Variants in CFAP61 observed in about 807,000 individuals in gnomAD.
The protein encoded by CFAP61 is cilia- and flagella-associated protein 61.
A neutral mutation model predicts 135.6 loss-of-function variants in CFAP61; 107 were observed. That is an observed-to-expected ratio of 0.79 (90% CI 0.67 to 0.93). The LOEUF (loss-of-function observed/expected upper bound fraction) is 0.93. Ranked by LOEUF, CFAP61 falls within the 40% of genes least tolerant of loss-of-function variation. CFAP61 has a pLI of 0.00. For synonymous variants in CFAP61, 575 were observed against 578.5 expected (o/e 0.99, Z 0.09); for missense variants, 1,507 against 1,556.2 (o/e 0.97, Z 0.53).
chr20:20,085,275 G>A (rs2046716914), intron 6 of CFAP61: 1 of 985,300 alleles, frequency 1.0e-6, no homozygotes, highest in Non-Finnish European at 1.2e-6. Context: ...GACTGCATGA[G>A]TTGTTTTCCA....
chr20:20,063,274 G>C (rs1425651022), intron 2 of CFAP61, among the ~76,000 whole-genome samples: 1 of 152,060 alleles, frequency 6.6e-6, no homozygotes, highest in Non-Finnish European at 1.5e-5. Context: ...GACAAAGACA[G>C]TACAAGAAAG....
chr20:20,157,910 TCTCAAAACACAATA>T (rs2053068759), intron 9 of CFAP61, among the ~76,000 whole-genome samples: 1 of 152,084 alleles, frequency 6.6e-6, no homozygotes, highest in African/African-American at 2.4e-5. Context: ...TTTTTAAAAC[TCTCAAAACACAATA>T]ATACAAAGTA....
chr20:20,272,504 C>A (rs924384691), intron 21 of CFAP61, among the ~76,000 whole-genome samples: 5 of 152,156 alleles, frequency 3.3e-5, no homozygotes, highest in African/African-American at 1.2e-4. Context: ...ATAACTGGGG[C>A]TATCTTACCT....
chr20:20,285,169 C>T lies in CFAP61; in HGVS notation c.2797-3440C>T, dbSNP rs574032342. ...AAATCTACAATCATTTAAAACATTC[C>T]TCTATATGTCATTTTCCATTGGCTG... On this transcript the variant is annotated intron_variant, in intron 22 of 26. Transcript: ENST00000245957. 2.0e-5 allele frequency among the ~76,000 whole-genome samples: 3 copies of T among 152,144 alleles called. No homozygotes were observed. The South Asian group carries it at 6.2e-4, about 32-fold the overall frequency.
chr20:20,098,831 A>T lies in CFAP61; in HGVS notation c.859+17A>T, dbSNP rs1310653123. ...GAAGTCAAGGTACAGTGGCTATCAC[A>T]GGGACACACTGGGAAATTAAATCTA... On this transcript the variant is annotated intron_variant, in intron 8 of 26. Transcript: ENST00000245957. The T allele has an allele frequency of 6.9e-6, 11 of 1,602,566 alleles. No homozygotes were observed. The highest frequency in any genetic ancestry group is 9.4e-6 in the Non-Finnish European group (11 of 1,174,844).
intron 8 of CFAP61, among the ~76,000 whole-genome samples, chr20:20,122,482 C>T (rs1475384772): frequency 1.3e-5 from 2 of 152,202 alleles, no homozygotes; most frequent in African/African-American, 4.8e-5. Flanking sequence ...TTTGTGTTCT[C>T]ATAGCTTAGC....
At chr20:20,235,981 T>C (rs1465717142) in intron 18 of CFAP61, among the ~76,000 whole-genome samples, 2 of 152,170 alleles carry the variant, frequency 1.3e-5, no homozygotes, top group Non-Finnish European at 2.9e-5. Context: ...AGATAATGCC[T>C]TTCAAACAGA....
At chr20:20,243,968 C>A (rs945576919) in intron 18 of CFAP61, among the ~76,000 whole-genome samples, 6 of 152,180 alleles carry the variant, frequency 3.9e-5, no homozygotes, top group African/African-American at 1.4e-4. Context: ...TCCAGTGGGG[C>A]AGTCAAATCC....
chr20:20,151,688 A>G (rs1355639125), intron 9 of CFAP61, among the ~76,000 whole-genome samples: 1 of 151,740 alleles, frequency 6.6e-6, no homozygotes, highest in African/African-American at 2.4e-5. Flanking sequence ...AAATTAGCCA[A>G]GTGTGGTGGT....
intron 7 of CFAP61, 31 bp downstream of exon 7, chr20:20,091,007 TAGTG>T (rs1032902766): frequency 1.6e-5 from 25 of 1,611,256 alleles, no homozygotes; most frequent in Middle Eastern, 1.6e-4. Flanking sequence ...GGAACACACT[TAGTG>T]AGAGGAAGGA....
At chr20:20,218,697 C>T (rs997127281) in intron 17 of CFAP61, among the ~76,000 whole-genome samples, 1 of 152,306 alleles carries the variant, frequency 6.6e-6, no homozygotes, top group East Asian at 1.9e-4. Flanking sequence ...AATGAGAATT[C>T]CTTAAAGACA....
At chr20:20,149,556 G>C (rs1394035581) in intron 9 of CFAP61, among the ~76,000 whole-genome samples, 2 of 152,194 alleles carry the variant, frequency 1.3e-5, no homozygotes, top group Non-Finnish European at 2.9e-5. Flanking sequence ...GGGGAAACTT[G>C]CTTCTGAACA....
chr20:20,124,187 G>A (rs1600794176), intron 8 of CFAP61, among the ~76,000 whole-genome samples: 1 of 151,656 alleles, frequency 6.6e-6, no homozygotes, highest in East Asian at 1.9e-4. Context: ...TTGGTAAACA[G>A]TGACAGTTTG....
At chr20:20,073,263 C>T (rs904342090) in intron 3 of CFAP61, among the ~76,000 whole-genome samples, 6 of 152,198 alleles carry the variant, frequency 3.9e-5, no homozygotes, top group Admixed American at 3.9e-4. Context: ...ATCATGTCGT[C>T]GTCATCGTTA....
chr20:20,270,233 C>G (rs1343164889), intron 21 of CFAP61, among the ~76,000 whole-genome samples: 1 of 152,052 alleles, frequency 6.6e-6, no homozygotes, highest in Non-Finnish European at 1.5e-5. Context: ...CTCTTGAGAT[C>G]TAACTTCATG....
At chr20:20,140,840 TAAG>T (rs1341741377) in intron 8 of CFAP61, among the ~76,000 whole-genome samples, 1 of 151,816 alleles carries the variant, frequency 6.6e-6, no homozygotes, top group African/African-American at 2.4e-5. Context: ...TAGACTGGAT[TAAG>T]AAAATGTGGC....
chr20:20,096,506 G>A (rs1166824866), intron 7 of CFAP61, among the ~76,000 whole-genome samples: 3 of 152,152 alleles, frequency 2.0e-5, no homozygotes, highest in Non-Finnish European at 4.4e-5. Flanking sequence ...TACTAACAGC[G>A]GTCTTATAAA....
intron 18 of CFAP61, among the ~76,000 whole-genome samples, chr20:20,242,638 G>A (rs1244843209): frequency 6.6e-6 from 1 of 152,136 alleles, no homozygotes; most frequent in South Asian, 2.1e-4. Flanking sequence ...CAGAAAAACC[G>A]GTCTCTTCCC....
At chr20:20,326,577 C>T (rs1186706199) in intron 25 of CFAP61, among the ~76,000 whole-genome samples, 2 of 152,082 alleles carry the variant, frequency 1.3e-5, no homozygotes, top group Admixed American at 6.6e-5. Flanking sequence ...GATAATTTTC[C>T]CAACAACTCT....
Sources: gnomAD v4.1 joint callset for allele counts (sites outside exome capture counted in the v4.1 genomes callset) on GRCh38, gnomAD v4.1.1 for gene constraint, MANE v1.5 for transcripts, NCBI Gene and HGNC (gene_info 2026-07-23, HGNC 2026-07-21) for gene names.